Variants in MOK observed in about 807,000 individuals in gnomAD.
The protein encoded by MOK is MAPK/MAK/MRK overlapping kinase.
MOK carries 59 observed loss-of-function variants against 54.2 expected under a neutral mutation model. The ratio of observed to expected loss-of-function variants is 1.09; its 90% confidence interval spans 0.88 to 1.35. The LOEUF (loss-of-function observed/expected upper bound fraction) is 1.35, where lower values mean the gene tolerates loss of function less well. Among genes scored for constraint, MOK ranks in the 40% most tolerant of loss-of-function variants. The pLI is 0.00. For synonymous variants in MOK, 210 were observed against 202.7 expected (o/e 1.04, Z -0.31); for missense variants, 517 against 526.2 (o/e 0.98, Z 0.17).
chr14:102,226,417 A>G (rs1490703469), downstream of MOK: 1 of 703,034 alleles, frequency 1.4e-6, no homozygotes, highest in East Asian at 2.7e-5. The surrounding 1 kb of genome is among the most constrained non-coding windows in gnomAD (Gnocchi z 4.8). Context: ...TTCTGTGGGG[A>G]TAATTCAAGC....
At chr14:102,262,077 G>A (rs950300099) in intron 4 of MOK, among the ~76,000 whole-genome samples, 10 of 150,090 alleles carry the variant, frequency 6.7e-5, no homozygotes, top group East Asian at 2.0e-4. Context: ...TCCTGACCTC[G>A]TGATCCGCCT....
chr14:102,269,753 G>A (rs2068207971), intron 2 of MOK, among the ~76,000 whole-genome samples: 1 of 152,130 alleles, frequency 6.6e-6, no homozygotes, highest in Non-Finnish European at 1.5e-5. Context: ...GATTACAGGC[G>A]TGAGCCACTG....
Position 102,250,986 on chromosome 14 carries a change from T to C in MOK, c.416A>G (p.Asp139Gly), listed in dbSNP as rs372368259. Reference sequence around the variant, plus strand: ...GCCAAAGTCCCCTAATTTCAGGACATCCTGCTGGAAGGGGAAAGAAGCAAG... The same window carrying C: ...GCCAAAGTCCCCTAATTTCAGGACACCCTGCTGGAAGGGGAAAGAAGCAAG... ...VKPENILIKQ[D>G]VLKLGDFGSC... The change falls in exon 7 of 12, where the codon GAT becomes GGT. Residue 139 changes from aspartate (D) to glycine (G), a missense_variant. Transcript: ENST00000361847. 1 of 1,613,798 alleles carries C rather than the reference T, an allele frequency of 6.2e-7. No homozygotes were observed. Among genetic ancestry groups the C allele is most frequent in the African/African-American group, 1.3e-5 (1 of 74,930 alleles).
At chr14:102,274,995 A>C (rs1396490171) in intron 2 of MOK, among the ~76,000 whole-genome samples, 1 of 151,898 alleles carries the variant, frequency 6.6e-6, no homozygotes, top group Non-Finnish European at 1.5e-5. Flanking sequence ...AAAAAGAAGA[A>C]GAAAGACTTT....
rs368194632 is a variant in MOK at position 102,267,070 on chromosome 14, G to A, written c.123-1158C>T. On this transcript the variant is annotated intron_variant, in intron 2 of 11. Transcript: ENST00000361847. ...CTTTTGAGAATGCCACTTCACCACG[G>A]TAGGCCCATGGGGTCACACCTAATT... 3.0e-4 allele frequency among the ~76,000 whole-genome samples: 46 copies of A among 152,300 alleles called. 1 individual carries two copies. In the Middle Eastern group the frequency reaches 0.014, roughly 45 times the overall value.
At chr14:102,303,085 C>T (rs1312461719) in intron 1 of MOK, among the ~76,000 whole-genome samples, 3 of 151,560 alleles carry the variant, frequency 2.0e-5, no homozygotes, top group African/African-American at 7.3e-5. Flanking sequence ...CACTTGAACC[C>T]GGGAGGCAGA....
intron 2 of MOK, among the ~76,000 whole-genome samples, chr14:102,266,492 G>A (rs555246767): frequency 1.3e-5 from 2 of 152,006 alleles, no homozygotes; most frequent in East Asian, 1.9e-4. Flanking sequence ...TCAAATGATC[G>A]GCCCGCCTCA....
At chr14:102,244,667 C>T (rs1162741377) in intron 7 of MOK, among the ~76,000 whole-genome samples, 1 of 152,176 alleles carries the variant, frequency 6.6e-6, no homozygotes, top group East Asian at 1.9e-4. Flanking sequence ...TCTAGATAGA[C>T]ACTTTCACTG....
At position 102,232,514 on chromosome 14, in the gene MOK, C is replaced by T. The variant is rs199706092; in HGVS notation, c.866+21G>A. On this transcript the variant is annotated intron_variant, in intron 9 of 11. Coordinates refer to ENST00000361847, the MANE Select transcript of MOK (RefSeq NM_014226.3). This position sits in a 1 kb window ranked among gnomAD's most constrained non-coding sequence, Gnocchi z 5.1. Reference sequence around the variant, plus strand: ...TTGCCAGGTCCTGCATCTGCCCCACCGAACCCACGAGAGTGCCTACCTCTG... The same window carrying T: ...TTGCCAGGTCCTGCATCTGCCCCACTGAACCCACGAGAGTGCCTACCTCTG... The T allele has an allele frequency of 1.1e-3, 1,743 of 1,603,658 alleles. 17 individuals are homozygous for T. In the South Asian group the frequency reaches 0.012, roughly 11 times the overall value.
chr14:102,297,192 C>T (rs1024969780), intron 1 of MOK, among the ~76,000 whole-genome samples: 3 of 151,858 alleles, frequency 2.0e-5, no homozygotes, highest in African/African-American at 7.3e-5. Flanking sequence ...CCCATCTCTA[C>T]TAAAAGTATA....
chr14:102,220,037 T>C (rs555145243), downstream of MOK, among the ~76,000 whole-genome samples: 7 of 152,332 alleles, frequency 4.6e-5, no homozygotes, highest in South Asian at 1.4e-3. This position sits in a 1 kb window ranked among gnomAD's most constrained non-coding sequence, Gnocchi z 4.2. Flanking sequence ...AATGGGAGAA[T>C]AGGAAGCCTG....
At chr14:102,244,818 C>G (rs931492173) in intron 7 of MOK, among the ~76,000 whole-genome samples, 1 of 152,110 alleles carries the variant, frequency 6.6e-6, no homozygotes, top group Non-Finnish European at 1.5e-5. Context: ...GTCAAATCAC[C>G]CAAGCAGTTT....
intron 3 of MOK, 82 bp from the exon 4 acceptor site, chr14:102,263,698 C>T (rs1466007807): frequency 9.5e-6 from 9 of 946,442 alleles, no homozygotes; most frequent in Non-Finnish European, 1.3e-5. Flanking sequence ...CATTTGTAAA[C>T]ATTTCTAGTA....
chr14:102,294,442 T>C (rs2071204852), intron 1 of MOK, among the ~76,000 whole-genome samples: 1 of 134,636 alleles, frequency 7.4e-6, no homozygotes, highest in Non-Finnish European at 1.6e-5. Context: ...CGAGACTCCG[T>C]CTCAAAAAAA....
chr14:102,254,330 TC>T (rs1321451543), intron 4 of MOK, among the ~76,000 whole-genome samples: 6 of 152,214 alleles, frequency 3.9e-5, no homozygotes, highest in Non-Finnish European at 8.8e-5. Flanking sequence ...TTTTATTGTT[TC>T]ACATGATTTA....
Position 102,265,859 on chromosome 14 carries a change from G to A in MOK, c.176C>T (p.Pro59Leu), listed in dbSNP as rs1490794706. The part of the protein sequence containing the change: ...REIQALRRLN[P>L]HPNILMLHEV... ...ATGCAACATAAGAATGTTTGGGTGC[G>A]GATTCAGGCGCCTCAGTGCTTGGAT... The change falls in exon 3 of 12, where the codon CCG becomes CTG. Residue 59 changes from proline to leucine, a missense_variant. Coordinates refer to ENST00000361847, the MANE Select transcript of MOK (RefSeq NM_014226.3). 3.7e-6 allele frequency: 6 copies of A among 1,613,924 alleles called. No homozygotes were observed. Among genetic ancestry groups the A allele is most frequent in the East Asian group, 2.2e-5 (1 of 44,874 alleles).
At chr14:102,287,338 A>T (rs1269122615) in intron 1 of MOK, among the ~76,000 whole-genome samples, 4 of 152,070 alleles carry the variant, frequency 2.6e-5, no homozygotes, top group African/African-American at 9.7e-5. Context: ...GCACAGTGGC[A>T]CATGCCTGTA....
At chr14:102,224,478 TA>T (rs991359117), downstream of MOK, 22 of 412,652 alleles carry the variant, frequency 5.3e-5, 1 homozygote, top group Non-Finnish European at 1.0e-4. Flanking sequence ...TTTATTTTTT[TA>T]AAAAATCATA....
downstream of MOK, among the ~76,000 whole-genome samples, chr14:102,220,053 C>T (rs1411365044): frequency 1.3e-5 from 2 of 152,258 alleles, no homozygotes; most frequent in East Asian, 1.9e-4. The surrounding 1 kb of genome is among the most constrained non-coding windows in gnomAD (Gnocchi z 4.2). Flanking sequence ...GCCTGCAGCC[C>T]TCGCGTTGGG....
Sources: allele counts gnomAD v4.1 joint callset (sites outside exome capture counted in the v4.1 genomes callset), GRCh38; gene constraint gnomAD v4.1.1; non-coding constraint Gnocchi (gnomAD v3.1); transcripts MANE v1.5; gene names NCBI Gene and HGNC (gene_info 2026-07-23, HGNC 2026-07-21).